Variants in FSTL4 observed in about 807,000 individuals in gnomAD.
The protein encoded by FSTL4 is follistatin-related protein 4.
Under a neutral mutation model 78.2 loss-of-function variants are expected in FSTL4, and 28 were observed. The observed-to-expected ratio is 0.36, with a 90% CI of 0.27 to 0.49. FSTL4 has a LOEUF of 0.49. FSTL4 is among the 20% of genes least tolerant of loss of function. The pLI, the probability that FSTL4 is intolerant of heterozygous loss-of-function variation, is 0.98. For synonymous variants in FSTL4, 422 were observed against 440.5 expected (o/e 0.96, Z 0.53); for missense variants, 922 against 1,084.9 (o/e 0.85, Z 2.11).
chr5:133,767,292 G>A, the FSTL4 span, among the ~76,000 whole-genome samples: 18 of 152,266 alleles, frequency 1.2e-4, no homozygotes, highest in South Asian at 2.1e-4. Flanking sequence ...GGGGGGCATC[G>A]ATTCTAGCCT....
At chr5:133,699,739 G>GGA in the FSTL4 span, among the ~76,000 whole-genome samples, 2 of 152,078 alleles carry the variant, frequency 1.3e-5, no homozygotes, top group Non-Finnish European at 2.9e-5. Context: ...AAATTAGCCA[G>GGA]GTGCAGTGGC....
In FSTL4 at chr5:133,249,333, ACTGT is replaced by A. The variant is rs1335412897; in HGVS notation, c.894+73_894+76del. 7.9e-6 allele frequency: 9 copies of A among 1,146,418 alleles called. No individual in the cohort carries two copies. The African/African-American group carries it at 1.2e-4, about 15-fold the overall frequency. 71.0% of individuals were successfully genotyped at this position (1,146,418 alleles called of 1,614,324 possible). ...TAAACTAAAACTCTCCCGTCCTGCC[ACTGT>A]CTGTGGCATCTTACCCAGTGTACTC... On this transcript the variant is annotated intron_variant, in intron 7 of 15. Transcript: ENST00000265342.
intron 3 of FSTL4, among the ~76,000 whole-genome samples, chr5:133,420,088 AT>A (rs1426194058): frequency 4.6e-5 from 7 of 152,228 alleles, no homozygotes; most frequent in African/African-American, 9.6e-5. Flanking sequence ...GGAACGAGCA[AT>A]GGATTTTCCC....
At chr5:133,766,143 G>T in the FSTL4 span, among the ~76,000 whole-genome samples, 1 of 152,222 alleles carries the variant, frequency 6.6e-6, no homozygotes, top group Non-Finnish European at 1.5e-5. Flanking sequence ...AAATGCAGGG[G>T]TCAGCAAACC....
intron 2 of FSTL4, among the ~76,000 whole-genome samples, chr5:133,589,935 CAAATT>C (rs1451812445): frequency 1.3e-5 from 2 of 152,092 alleles, no homozygotes; most frequent in Non-Finnish European, 2.9e-5. Context: ...GTAAAATAAA[CAAATT>C]AATAATACCT....
chr5:133,213,733 G>A (rs1750817626), intron 13 of FSTL4, among the ~76,000 whole-genome samples: 1 of 152,024 alleles, frequency 6.6e-6, no homozygotes, highest in African/African-American at 2.4e-5. Flanking sequence ...AATAACAAAA[G>A]TAACATAGTA....
chr5:133,439,427 G>C (rs527318304), intron 3 of FSTL4, among the ~76,000 whole-genome samples: 1 of 152,288 alleles, frequency 6.6e-6, no homozygotes, highest in East Asian at 1.9e-4. Context: ...GTGGGACTGC[G>C]ATTGATACCA....
chr5:133,758,660 T>C, the FSTL4 span, among the ~76,000 whole-genome samples: 2 of 152,244 alleles, frequency 1.3e-5, no homozygotes, highest in East Asian at 3.8e-4. Context: ...ACAAATACTC[T>C]GCATTATTTA....
chr5:133,795,781 G>A, the FSTL4 span, among the ~76,000 whole-genome samples: 42 of 152,212 alleles, frequency 2.8e-4, no homozygotes, highest in African/African-American at 9.2e-4. Context: ...GTGGTTTTGG[G>A]CAACATGGCC....
At position 133,440,209 on chromosome 5, in the gene FSTL4, G is replaced by A. The variant is rs564111737; in HGVS notation, c.161-39223C>T. Among the ~76,000 whole-genome samples the A allele has an allele frequency of 6.6e-6, 1 of 152,300 alleles. No individual in the cohort carries two copies. Among genetic ancestry groups the A allele is most frequent in the South Asian group, 2.1e-4 (1 of 4,828 alleles). ...TGAATAATTTCTGGGCGCTGTGGAG[G>A]GAGAGGGCCTCAGCGGGCAAGGTGG... On this transcript the variant is annotated intron_variant, in intron 3 of 15. Coordinates refer to ENST00000265342, the MANE Select transcript of FSTL4 (RefSeq NM_015082.2). This position sits in a 1 kb window ranked among gnomAD's most constrained non-coding sequence, Gnocchi z 4.1.
In FSTL4 at chr5:133,211,149, C is replaced by CT. The variant is rs200229577; in HGVS notation, c.1609-852dup. 7.9e-3 allele frequency among the ~76,000 whole-genome samples: 1,199 copies of CT among 152,298 alleles called. 6 individuals are homozygous for CT. Among genetic ancestry groups the CT allele is most frequent in the Non-Finnish European group, 0.012 (850 of 68,026 alleles). On this transcript the variant is annotated intron_variant, in intron 13 of 15. Coordinates refer to ENST00000265342, the MANE Select transcript of FSTL4 (RefSeq NM_015082.2). Reference sequence around the variant, plus strand: ...AGACTATGGCATCAGCAGACGTGCTCTTTTTTAACTGCAGTACTGCTATCC... The same window carrying CT: ...AGACTATGGCATCAGCAGACGTGCTCTTTTTTTAACTGCAGTACTGCTATCC...
chr5:133,705,732 T>C, the FSTL4 span, among the ~76,000 whole-genome samples: 1 of 152,280 alleles, frequency 6.6e-6, no homozygotes, highest in African/African-American at 2.4e-5. Flanking sequence ...ATCCCTGTGA[T>C]GGGTCCTCTG....
chr5:133,642,119 C>T, the FSTL4 span, among the ~76,000 whole-genome samples: 1,502 of 152,270 alleles, frequency 9.9e-3, 25 homozygotes, highest in African/African-American at 0.035. Flanking sequence ...CAGTGAAATA[C>T]ACCACATAAG....
chr5:133,771,905 G>C, the FSTL4 span, among the ~76,000 whole-genome samples: 1,977 of 152,240 alleles, frequency 0.013, 26 homozygotes, highest in African/African-American at 0.037. Context: ...AACTGCCATA[G>C]TGGGTTTGAT....
the FSTL4 span, among the ~76,000 whole-genome samples, chr5:133,626,376 T>C: frequency 7.7e-6 from 1 of 130,156 alleles, no homozygotes; most frequent in Non-Finnish European, 1.6e-5. Context: ...AATTTGTGCA[T>C]GTGTGTGTGA....
At chr5:133,783,885 C>A in the FSTL4 span, among the ~76,000 whole-genome samples, 1 of 151,662 alleles carries the variant, frequency 6.6e-6, no homozygotes, top group Non-Finnish European at 1.5e-5. Context: ...GCCCACCCCC[C>A]AAACATAAGC....
intron 3 of FSTL4, among the ~76,000 whole-genome samples, chr5:133,425,316 C>A (rs1395631715): frequency 6.6e-6 from 1 of 152,220 alleles, no homozygotes; most frequent in African/African-American, 2.4e-5. Flanking sequence ...CTGGTCTTGT[C>A]TCCCAGCAGG....
intron 6 of FSTL4, among the ~76,000 whole-genome samples, chr5:133,272,325 T>G (rs1752785118): frequency 6.6e-6 from 1 of 152,212 alleles, no homozygotes; most frequent in Admixed American, 6.5e-5. Flanking sequence ...CTCACTGCAT[T>G]CTTAACGCAT....
chr5:133,614,107 A>C (rs1399226400), upstream of FSTL4, among the ~76,000 whole-genome samples: 13 of 152,352 alleles, frequency 8.5e-5, no homozygotes, highest in African/African-American at 2.4e-5. Flanking sequence ...TCAGGAACGT[A>C]CACCATGGCT....
Sources: gnomAD v4.1 joint callset for allele counts (sites outside exome capture counted in the v4.1 genomes callset) on GRCh38, gnomAD v4.1.1 for gene constraint, Gnocchi (gnomAD v3.1) non-coding constraint, MANE v1.5 for transcripts, NCBI Gene and HGNC (gene_info 2026-07-23, HGNC 2026-07-21) for gene names.